RIMS1: variants seen among roughly 807,000 people sequenced by gnomAD.
RIMS1 encodes the protein regulating synaptic membrane exocytosis protein 1.
Under a neutral mutation model 214.1 loss-of-function variants are expected in RIMS1, and 83 were observed. The ratio of observed to expected loss-of-function variants is 0.39; its 90% CI spans 0.32 to 0.47. The LOEUF (loss-of-function observed/expected upper bound fraction) is 0.47. RIMS1 is among the 20% of genes least tolerant of loss of function. RIMS1 has a pLI of 0.99. For missense variants in RIMS1, 2,050 were observed against 2,161.8 expected, an observed-to-expected ratio of 0.95 and a Z score of 1.03; for synonymous variants, 793 against 786.8, an observed-to-expected ratio of 1.01 and a Z score of -0.13.
chr6:71,919,953 A>G (rs1418286848), intron 1 of RIMS1, among the ~76,000 whole-genome samples: 1 of 152,178 alleles, frequency 6.6e-6, no homozygotes, highest in African/African-American at 2.4e-5. Flanking sequence ...CCAAGCTTCA[A>G]CTCTGACTAT....
At chr6:72,130,737 A>C (rs948311671) in intron 4 of RIMS1, among the ~76,000 whole-genome samples, 1 of 152,200 alleles carries the variant, frequency 6.6e-6, no homozygotes, top group East Asian at 1.9e-4. Flanking sequence ...TATGTCCCAC[A>C]ACTATTTGGG....
intron 2 of RIMS1, among the ~76,000 whole-genome samples, chr6:72,043,154 GCACACA>G (rs61574291): frequency 8.8e-5 from 13 of 148,122 alleles, no homozygotes; most frequent in Non-Finnish European, 2.0e-4. Context: ...GAACTTGCAT[GCACACA>G]CACACACACA....
chr6:72,387,460 C>T (rs1195283729), intron 29 of RIMS1, among the ~76,000 whole-genome samples: 1 of 152,184 alleles, frequency 6.6e-6, no homozygotes, highest in Non-Finnish European at 1.5e-5. Flanking sequence ...GAGATCTGGC[C>T]AGTATGTGGC....
At chr6:72,321,789 C>G (rs1464500688) in intron 28 of RIMS1, among the ~76,000 whole-genome samples, 1 of 151,864 alleles carries the variant, frequency 6.6e-6, no homozygotes, top group African/African-American at 2.4e-5. Context: ...TTTTTTTGTT[C>G]CCTCTACCTT....
At chr6:71,996,809 A>T (rs576978061) in intron 2 of RIMS1, among the ~76,000 whole-genome samples, 1 of 152,300 alleles carries the variant, frequency 6.6e-6, no homozygotes, top group South Asian at 2.1e-4. Flanking sequence ...TCCTGGGGAA[A>T]AAAAGGAGTC....
At chr6:72,159,973 C>G (rs1261882713) in intron 4 of RIMS1, among the ~76,000 whole-genome samples, 1 of 139,018 alleles carries the variant, frequency 7.2e-6, no homozygotes, top group East Asian at 2.0e-4. Context: ...CTATAAATTA[C>G]CTTGGGCAGC....
intron 2 of RIMS1, among the ~76,000 whole-genome samples, chr6:72,051,414 C>A (rs1019492719): frequency 6.6e-6 from 1 of 151,960 alleles, no homozygotes; most frequent in African/African-American, 2.4e-5. Flanking sequence ...AAACTGAGGC[C>A]CAGAAGAGTT....
intron 2 of RIMS1, among the ~76,000 whole-genome samples, chr6:72,051,632 G>A (rs1009625513): frequency 6.6e-6 from 1 of 152,110 alleles, no homozygotes; most frequent in Non-Finnish European, 1.5e-5. Flanking sequence ...TTACCAGTGA[G>A]AATTCCAAGT....
intron 1 of RIMS1, among the ~76,000 whole-genome samples, chr6:71,931,085 G>A (rs146806390): frequency 3.1e-4 from 47 of 152,014 alleles, no homozygotes; most frequent in East Asian, 2.3e-3. Flanking sequence ...TTAAAACACC[G>A]AATTCAAATA....
chr6:72,185,427 A>C (rs116170148), intron 6 of RIMS1, among the ~76,000 whole-genome samples: 1 of 151,682 alleles, frequency 6.6e-6, no homozygotes, highest in Non-Finnish European at 1.5e-5. Flanking sequence ...GGATATGATG[A>C]AAAAAAAAGG....
chr6:72,030,024 C>A (rs1044314221), intron 2 of RIMS1, among the ~76,000 whole-genome samples: 1 of 152,054 alleles, frequency 6.6e-6, no homozygotes, highest in Non-Finnish European at 1.5e-5. Context: ...AGTAAGGACC[C>A]GAGATGCCAA....
chr6:72,333,448 A>G (rs2096738531), intron 28 of RIMS1, among the ~76,000 whole-genome samples, 152 bp from the exon 29 acceptor site: 1 of 151,928 alleles, frequency 6.6e-6, no homozygotes, highest in Non-Finnish European at 1.5e-5. Context: ...GTGGTGTGAT[A>G]CTAAAGTATT....
At chr6:71,978,336 G>A (rs928534193) in intron 2 of RIMS1, among the ~76,000 whole-genome samples, 1 of 151,972 alleles carries the variant, frequency 6.6e-6, no homozygotes, top group Non-Finnish European at 1.5e-5. Flanking sequence ...TTCAAATATT[G>A]AAGACAAAAA....
intron 1 of RIMS1, among the ~76,000 whole-genome samples, chr6:71,960,879 A>G (rs1469680922): frequency 6.6e-6 from 1 of 152,030 alleles, no homozygotes; most frequent in East Asian, 1.9e-4. Flanking sequence ...GAAGCTGGGT[A>G]CTCAAGAAGA....
At chr6:72,098,774 A>G (rs994954416) in intron 3 of RIMS1, among the ~76,000 whole-genome samples, 1 of 152,182 alleles carries the variant, frequency 6.6e-6, no homozygotes, top group African/African-American at 2.4e-5. Context: ...TGTATATTTA[A>G]TCTTTCTTTA....
At chr6:72,078,047 A>G (rs1351842837) in intron 2 of RIMS1, among the ~76,000 whole-genome samples, 2 of 152,204 alleles carry the variant, frequency 1.3e-5, no homozygotes, top group Non-Finnish European at 2.9e-5. Context: ...TAAAGCTAAA[A>G]CAAAACCCAG....
Position 72,201,479 on chromosome 6 carries a change from G to C in RIMS1, c.1678+18330G>C, listed in dbSNP as rs527298244. Among the ~76,000 whole-genome samples, 6 of 152,258 alleles carry C rather than the reference G, an allele frequency of 3.9e-5. No homozygotes were observed. The East Asian group carries it at 7.7e-4, about 20-fold the overall frequency. ...ACCCATTTTATCCAGTGAATGAAAA[G>C]GTTGTCCTTATTTTGGTTCAATTTA... is the stretch of plus-strand genomic sequence containing the variant. On this transcript the variant is annotated intron_variant, in intron 6 of 33. Coordinates refer to ENST00000521978, the MANE Select transcript of RIMS1 (RefSeq NM_014989.7).
At chr6:72,263,438 A>G in intron 19 of RIMS1, 1 of 976,030 alleles carries the variant, frequency 1.0e-6, no homozygotes, top group Non-Finnish European at 1.2e-6. Context: ...TGGAGACTTA[A>G]TCGAATTACC....
chr6:71,982,234 T>C (rs1207339246), intron 2 of RIMS1, among the ~76,000 whole-genome samples: 1 of 152,134 alleles, frequency 6.6e-6, no homozygotes, highest in Non-Finnish European at 1.5e-5. Context: ...TTCTTTGCAG[T>C]CTTATTTTAC....
Sources: gnomAD v4.1 joint callset for allele counts (sites outside exome capture counted in the v4.1 genomes callset) on GRCh38, gnomAD v4.1.1 for gene constraint, MANE v1.5 for transcripts, NCBI Gene and HGNC (gene_info 2026-07-23, HGNC 2026-07-21) for gene names.